Variants in TUBGCP3 observed in about 807,000 individuals in gnomAD.
TUBGCP3 encodes tubulin gamma complex component 3, also known as gamma-tubulin complex component 3.
Under a neutral mutation model 123.1 loss-of-function variants are expected in TUBGCP3, and 50 were observed. The observed-to-expected ratio is 0.41, with a 90% confidence interval of 0.32 to 0.51. The LOEUF (loss-of-function observed/expected upper bound fraction) is 0.51. Among genes scored for constraint, TUBGCP3 ranks in the 20% least tolerant of loss-of-function variants. TUBGCP3 has a pLI of 0.36. For synonymous variants in TUBGCP3, 405 were observed against 413.9 expected (o/e 0.98, Z 0.26); for missense variants, 882 against 1,127.0 (o/e 0.78, Z 3.11).
intron 5 of TUBGCP3, among the ~76,000 whole-genome samples, chr13:112,556,992 A>G (rs2139221869): frequency 6.6e-6 from 1 of 152,160 alleles, no homozygotes; most frequent in Non-Finnish European, 1.5e-5. Flanking sequence ...TACTGGTGCA[A>G]TACTGGGGGG....
At chr13:112,567,961 G>T (rs965325121) in intron 2 of TUBGCP3, among the ~76,000 whole-genome samples, 1 of 146,916 alleles carries the variant, frequency 6.8e-6, no homozygotes, top group Non-Finnish European at 1.5e-5. Flanking sequence ...CTTCTAGAAG[G>T]TGTTATCACT....
intron 11 of TUBGCP3, among the ~76,000 whole-genome samples, chr13:112,528,101 T>C (rs1008972511): frequency 5.3e-5 from 8 of 152,260 alleles, no homozygotes; most frequent in Admixed American, 5.2e-4. Flanking sequence ...GCAGCTCCCC[T>C]GCCCTGACCC....
intron 1 of TUBGCP3, among the ~76,000 whole-genome samples, chr13:112,579,796 A>G (rs1882153648): frequency 6.6e-6 from 1 of 152,256 alleles, no homozygotes; most frequent in African/African-American, 2.4e-5. Context: ...GAAAACAATG[A>G]GCATGCACCT....
intron 21 of TUBGCP3, among the ~76,000 whole-genome samples, chr13:112,489,143 C>A (rs1165374338): frequency 7.0e-6 from 1 of 142,466 alleles, no homozygotes; most frequent in African/African-American, 2.7e-5. Flanking sequence ...CAGTGGAGCA[C>A]AGGGGCCACC....
chr13:112,527,803 G>A (rs1342896273), intron 11 of TUBGCP3, among the ~76,000 whole-genome samples: 1 of 152,238 alleles, frequency 6.6e-6, no homozygotes, highest in African/African-American at 2.4e-5. Flanking sequence ...TAACGGTGCA[G>A]GCTTTTGGGG....
chr13:112,559,224 T>C (rs1422679867), intron 4 of TUBGCP3, 98 bp downstream of exon 4: 4 of 966,522 alleles, frequency 4.1e-6, no homozygotes, highest in Non-Finnish European at 6.3e-6. Flanking sequence ...AGCTTGTTGC[T>C]TTCCTAGCAT....
intron 11 of TUBGCP3, among the ~76,000 whole-genome samples, chr13:112,531,137 C>A (rs575514523): frequency 6.6e-6 from 1 of 150,424 alleles, no homozygotes; most frequent in African/African-American, 2.5e-5. Context: ...ATGTCAAAAT[C>A]TTCTATTTGA....
rs151096395 is a variant in TUBGCP3, at chr13:112,550,109, G to A, written c.967-1933C>T. Among the ~76,000 whole-genome samples, 359 of 152,182 alleles carry A rather than the reference G, an allele frequency of 2.4e-3. 4 individuals carry two copies. The highest frequency in any genetic ancestry group is 6.9e-3 in the African/African-American group (287 of 41,522). ...TCCAGTCCTGTGGCAAGAGCCTTCAGGGATGAGCTGTGGGATGTAACTCCA... is the reference window on the plus strand; with the variant it reads ...TCCAGTCCTGTGGCAAGAGCCTTCAAGGATGAGCTGTGGGATGTAACTCCA... On this transcript the variant is annotated intron_variant, in intron 8 of 21. Transcript: ENST00000261965.
rs1259025003 is a variant in TUBGCP3, at chr13:112,508,272, T to C, written c.2087-3558A>G. On this transcript the variant is annotated intron_variant, in intron 17 of 21. Coordinates refer to ENST00000261965, the MANE Select transcript of TUBGCP3 (RefSeq NM_006322.6). The surrounding 1 kb of genome is among the most constrained non-coding windows in gnomAD (Gnocchi z 4.2). ...TCACTCTGAATCCATCTATTCCTCC[T>C]CTGTGATTTTCAGCCTCCCCCTCCT... 1.3e-5 allele frequency among the ~76,000 whole-genome samples: 2 copies of C among 152,186 alleles called. No homozygotes were observed. Among genetic ancestry groups the C allele is most frequent in the African/African-American group, 4.8e-5 (2 of 41,448 alleles).
upstream of TUBGCP3, among the ~76,000 whole-genome samples, chr13:112,590,943 C>A (rs191473158): frequency 2.6e-4 from 39 of 152,286 alleles, no homozygotes; most frequent in African/African-American, 9.1e-4. Flanking sequence ...ATGAAATTGT[C>A]TCCAGGAAAT....
chr13:112,547,069 T>C (rs1020961684), intron 10 of TUBGCP3: 4 of 186,976 alleles, frequency 2.1e-5, no homozygotes, highest in Non-Finnish European at 4.4e-5. Context: ...AGAAAAAATG[T>C]CAGAAAGCAA....
At chr13:112,493,678 C>G (rs1271112044) in intron 20 of TUBGCP3, among the ~76,000 whole-genome samples, 10 of 141,878 alleles carry the variant, frequency 7.0e-5, no homozygotes, top group Non-Finnish European at 1.5e-4. Context: ...GCCTGGTGTC[C>G]CTGAGACACT....
At chr13:112,557,761 C>T (rs1026018335) in intron 5 of TUBGCP3, among the ~76,000 whole-genome samples, 1 of 152,172 alleles carries the variant, frequency 6.6e-6, no homozygotes, top group African/African-American at 2.4e-5. Flanking sequence ...CCTTAAAGAC[C>T]TCAGCACTCA....
At chr13:112,587,861 C>A (rs760214319) in intron 1 of TUBGCP3, 44 bp downstream of exon 1, 7 of 1,544,894 alleles carry the variant, frequency 4.5e-6, no homozygotes, top group Non-Finnish European at 6.1e-6. Flanking sequence ...AGGGAGCAGC[C>A]CCCGGGACGG....
chr13:112,499,086 G>A lies in TUBGCP3; in HGVS notation c.2407C>T (p.Arg803Ter), dbSNP rs1434081800. 4 of 1,613,960 alleles carry A rather than the reference G, an allele frequency of 2.5e-6. No individual in the cohort carries two copies. The Admixed American group carries it at 5.0e-5, about 20-fold the overall frequency. Residue 803 changes from arginine to a stop codon, truncating the protein, a stop_gained, in exon 20 of 22, where the codon CGA becomes TGA. Transcript: ENST00000261965. LOFTEE classifies it high-confidence loss of function. ...YRAALEELQR[R>*]LQFEEKKKQR... ...TTCTTTTTCTCTTCAAACTGTAATC[G>A]TCTCTGCAATTCTTCCAGAGCAGCT...
At chr13:112,504,861 G>A in intron 17 of TUBGCP3, 147 bp from the exon 18 acceptor site, 1 of 650,308 alleles carries the variant, frequency 1.5e-6, no homozygotes, top group Non-Finnish European at 2.7e-6. Context: ...AACCTCTCCA[G>A]AACCAATTTC....
chr13:112,536,320 C>T (rs1878052554), intron 11 of TUBGCP3, among the ~76,000 whole-genome samples: 1 of 152,176 alleles, frequency 6.6e-6, no homozygotes, highest in African/African-American at 2.4e-5. Context: ...AAGTGTGGCT[C>T]GTGTTGGGGG....
rs371821480 is a variant in TUBGCP3, at chr13:112,587,863, C to G, written c.76+42G>C. 5.7e-4 allele frequency: 881 copies of G among 1,555,900 alleles called. 1 individual carries two copies. Among genetic ancestry groups the G allele is most frequent in the Non-Finnish European group, 7.2e-4 (822 of 1,148,866 alleles). On this transcript the variant is annotated intron_variant, in intron 1 of 21. Transcript: ENST00000261965. ...GGGCTGCACGCGCAGGGAGCAGCCC[C>G]CGGGACGGGTCTGCGGGCTTCGCGT...
At chr13:112,525,058 C>G (rs1227458630) in intron 13 of TUBGCP3, among the ~76,000 whole-genome samples, 1 of 152,218 alleles carries the variant, frequency 6.6e-6, no homozygotes, top group Non-Finnish European at 1.5e-5. Flanking sequence ...GAACATCTGT[C>G]ATTCCAGTAA....
Sources: gnomAD v4.1 joint callset for allele counts (sites outside exome capture counted in the v4.1 genomes callset) on GRCh38, gnomAD v4.1.1 for gene constraint, Gnocchi (gnomAD v3.1) non-coding constraint, MANE v1.5 for transcripts, NCBI Gene and HGNC (gene_info 2026-07-23, HGNC 2026-07-21) for gene names.